SLC35F4: variants seen among roughly 807,000 people sequenced by gnomAD.
The protein encoded by SLC35F4 is solute carrier family 35 member F4.
In SLC35F4, 24 loss-of-function variants were observed where a neutral mutation model predicts 44.2. The observed-to-expected ratio is 0.54, with a 90% CI of 0.39 to 0.76. The LOEUF (loss-of-function observed/expected upper bound fraction) is 0.76, where lower values mean the gene tolerates loss of function less well. Among genes scored for constraint, SLC35F4 ranks in the 30% least tolerant of loss-of-function variants. SLC35F4 has a pLI of 0.00. For synonymous variants in SLC35F4, 238 were observed against 223.6 expected (o/e 1.06, Z -0.57); for missense variants, 562 against 586.1 (o/e 0.96, Z 0.42).
rs144803731 is a variant in SLC35F4 at position 57,696,370 on chromosome 14, C to G, written c.104-102246G>C. 4.2e-3 allele frequency among the ~76,000 whole-genome samples: 642 copies of G among 152,248 alleles called. 3 individuals are homozygous for G. Among genetic ancestry groups the G allele is most frequent in the Non-Finnish European group, 5.3e-3 (360 of 68,018 alleles). On this transcript the variant is annotated intron_variant, in intron 1 of 7. Transcript: ENST00000556826. Reference sequence around the variant, plus strand: ...CACAAATCTAAACCACAATGAGATACCATCTCACACCAGTTAGAATGGCAA... The same window carrying G: ...CACAAATCTAAACCACAATGAGATAGCATCTCACACCAGTTAGAATGGCAA...
chr14:57,673,856 C>A (rs1535574), intron 1 of SLC35F4, among the ~76,000 whole-genome samples: 1 of 151,802 alleles, frequency 6.6e-6, no homozygotes, highest in African/African-American at 2.4e-5. Flanking sequence ...CATTATTGTA[C>A]ACCACTAGCA....
At chr14:57,953,925 A>G (rs1182163242) in intron 1 of SLC35F4, among the ~76,000 whole-genome samples, 1 of 152,194 alleles carries the variant, frequency 6.6e-6, no homozygotes, top group East Asian at 1.9e-4. Context: ...GACAAAGCGG[A>G]CCTAATAGAC....
At chr14:57,665,715 C>T (rs2074284677) in intron 1 of SLC35F4, among the ~76,000 whole-genome samples, 1 of 152,130 alleles carries the variant, frequency 6.6e-6, no homozygotes, top group Non-Finnish European at 1.5e-5. Flanking sequence ...ATAGCAAAGA[C>T]CTGGAATCGA....
At chr14:57,727,345 C>A (rs901150045) in intron 1 of SLC35F4, among the ~76,000 whole-genome samples, 1 of 151,916 alleles carries the variant, frequency 6.6e-6, no homozygotes, top group East Asian at 1.9e-4. Flanking sequence ...TTTATCTTTT[C>A]AAAAAACCAG....
chr14:57,693,889 CA>C (rs2075305370), intron 1 of SLC35F4, among the ~76,000 whole-genome samples: 1 of 152,120 alleles, frequency 6.6e-6, no homozygotes, highest in South Asian at 2.1e-4. Flanking sequence ...GAGCACGTAT[CA>C]GACGAATATA....
chr14:57,623,946 A>G (rs1281117334), intron 1 of SLC35F4, among the ~76,000 whole-genome samples: 5 of 152,210 alleles, frequency 3.3e-5, no homozygotes, highest in African/African-American at 1.2e-4. Flanking sequence ...GAAATAACTA[A>G]GATTAGAGCA....
chr14:57,866,623 C>T (rs191664828), upstream of SLC35F4, among the ~76,000 whole-genome samples: 4 of 152,292 alleles, frequency 2.6e-5, no homozygotes, highest in East Asian at 1.9e-4. Flanking sequence ...CATCCTGCCA[C>T]TGAAAAATGT....
chr14:57,886,516 A>G (rs1888649536), intron 1 of SLC35F4, among the ~76,000 whole-genome samples: 1 of 152,236 alleles, frequency 6.6e-6, no homozygotes, highest in South Asian at 2.1e-4. Context: ...ATAAAATCAT[A>G]TCCCTATTCT....
intron 1 of SLC35F4, among the ~76,000 whole-genome samples, chr14:57,878,956 T>C (rs1162176520): frequency 6.6e-6 from 1 of 152,202 alleles, no homozygotes; most frequent in Non-Finnish European, 1.5e-5. Context: ...TGTTGTCTTA[T>C]GAACATTGAC....
intron 6 of SLC35F4, among the ~76,000 whole-genome samples, chr14:57,567,334 A>G (rs1396512): frequency 0.12 from 18,464 of 152,326 alleles, 1,328 homozygotes; most frequent in Non-Finnish European, 0.16. Flanking sequence ...TGTTTGTTTC[A>G]GGGGATAGAG....
intron 1 of SLC35F4, among the ~76,000 whole-genome samples, chr14:57,651,989 G>C (rs966303384): frequency 4.6e-5 from 7 of 152,112 alleles, no homozygotes; most frequent in African/African-American, 1.7e-4. Flanking sequence ...TAATAAAAAG[G>C]ACTGACCCAC....
At chr14:57,719,166 G>C (rs1166697284) in intron 1 of SLC35F4, among the ~76,000 whole-genome samples, 3 of 152,050 alleles carry the variant, frequency 2.0e-5, no homozygotes, top group Admixed American at 1.3e-4. Flanking sequence ...CTCTGTTTCT[G>C]GCTTCTCTAT....
chr14:57,858,586 G>A (rs146996932), intron 1 of SLC35F4, among the ~76,000 whole-genome samples: 2,862 of 151,710 alleles, frequency 0.019, 42 homozygotes, highest in Non-Finnish European at 0.028. Context: ...TGTAAATGAC[G>A]AGTTAATGGG....
chr14:57,901,780 T>C (rs1012339316), intron 1 of SLC35F4, among the ~76,000 whole-genome samples: 1 of 152,242 alleles, frequency 6.6e-6, no homozygotes, highest in African/African-American at 2.4e-5. Context: ...ACGTATGCTA[T>C]ATCATTTTAT....
intron 1 of SLC35F4, among the ~76,000 whole-genome samples, chr14:57,923,468 A>G (rs972436679): frequency 6.6e-6 from 1 of 152,190 alleles, no homozygotes; most frequent in Non-Finnish European, 1.5e-5. Flanking sequence ...GGCATTCAGG[A>G]ATATCCCTAG....
Position 57,639,473 on chromosome 14 carries a change from T to C in SLC35F4, c.104-45349A>G, listed in dbSNP as rs552861852. On this transcript the variant is annotated intron_variant, in intron 1 of 7. Transcript: ENST00000556826. ...GTCTATAAAATTTTGTGTTGGTTCA[T>C]TATTATGTTCAGATTGGGTTTACCA... 1.1e-4 allele frequency among the ~76,000 whole-genome samples: 16 copies of C among 152,166 alleles called. No individual in the cohort carries two copies. The South Asian group carries it at 3.3e-3, about 32-fold the overall frequency.
intron 1 of SLC35F4, among the ~76,000 whole-genome samples, chr14:57,901,136 G>A (rs931638965): frequency 6.6e-6 from 1 of 152,202 alleles, no homozygotes; most frequent in African/African-American, 2.4e-5. Flanking sequence ...CCTAGAGGCA[G>A]AAATACCATT....
chr14:57,702,583 C>A (rs2075570227), intron 1 of SLC35F4, among the ~76,000 whole-genome samples: 1 of 152,082 alleles, frequency 6.6e-6, no homozygotes, highest in African/African-American at 2.4e-5. Flanking sequence ...TGCTCTGTGC[C>A]TCTGTCATAA....
chr14:57,661,476 C>T (rs953045437), intron 1 of SLC35F4, among the ~76,000 whole-genome samples: 1 of 152,166 alleles, frequency 6.6e-6, no homozygotes, highest in African/African-American at 2.4e-5. Context: ...GTTCTACTTC[C>T]ATCTTTTATA....
Sources: allele counts gnomAD v4.1 joint callset (sites outside exome capture counted in the v4.1 genomes callset), GRCh38; gene constraint gnomAD v4.1.1; transcripts MANE v1.5; gene names NCBI Gene and HGNC (gene_info 2026-07-23, HGNC 2026-07-21).